The following CLPB variants were observed in gnomAD, a reference collection of about 807,000 sequenced individuals.
The protein encoded by CLPB is ClpB family mitochondrial disaggregase, also known as mitochondrial disaggregase.
A neutral mutation model predicts 78.4 loss-of-function variants in CLPB; 40 were observed. That is an observed-to-expected ratio of 0.51 (90% CI 0.40 to 0.66). CLPB has a LOEUF of 0.66. Ranked by LOEUF, CLPB falls within the 30% of genes least tolerant of loss-of-function variation. The probability of loss-of-function intolerance (pLI) is 0.00; values close to 1 mark genes in which losing one functional copy is unlikely to be tolerated. For missense variants in CLPB, 780 were observed against 886.9 expected (o/e 0.88, Z 1.53); for synonymous variants, 333 against 348.0 (o/e 0.96, Z 0.48).
At chr11:72,354,265 ATG>A (rs549117840) in intron 5 of CLPB, 131 of 375,238 alleles carry the variant, frequency 3.5e-4, no homozygotes, top group Middle Eastern at 6.8e-4. Flanking sequence ...GCTTCCAAAG[ATG>A]TGTGTGTGTG....
intron 4 of CLPB, among the ~76,000 whole-genome samples, chr11:72,361,765 C>G (rs1950843847): frequency 6.6e-6 from 1 of 152,182 alleles, no homozygotes; most frequent in Non-Finnish European, 1.5e-5. Flanking sequence ...ATTCATTCAA[C>G]ATTTAATGAG....
chr11:72,317,307 G>T, intron 6 of CLPB, 87 bp from the exon 7 acceptor site: 1 of 987,312 alleles, frequency 1.0e-6, no homozygotes, highest in Non-Finnish European at 1.5e-6. Flanking sequence ...GGAAAACACA[G>T]GTCTGGGTAT....
chr11:72,373,888 A>G (rs576625440), intron 4 of CLPB, among the ~76,000 whole-genome samples: 123 of 147,224 alleles, frequency 8.4e-4, no homozygotes, highest in African/African-American at 2.9e-3. Context: ...TGAACCCAGG[A>G]GGCAGAGGTT....
intron 8 of CLPB, among the ~76,000 whole-genome samples, chr11:72,308,094 C>A (rs1416273126): frequency 2.0e-5 from 3 of 152,194 alleles, no homozygotes; most frequent in Admixed American, 6.5e-5. Context: ...TTACTGCAAC[C>A]AATTTTGCTA....
At chr11:72,321,899 A>AAATGGTATGAC (rs1950050087) in intron 6 of CLPB, among the ~76,000 whole-genome samples, 1 of 151,800 alleles carries the variant, frequency 6.6e-6, no homozygotes, top group Admixed American at 6.6e-5. Flanking sequence ...CCATGTCCTG[A>AAATGGTATGAC]AATGGTATGA....
At chr11:72,422,446 T>C (rs1271838501) in intron 2 of CLPB, among the ~76,000 whole-genome samples, 1 of 152,156 alleles carries the variant, frequency 6.6e-6, no homozygotes, top group Non-Finnish European at 1.5e-5. Flanking sequence ...AAAACTCTTG[T>C]ATTCTTTCTG....
At chr11:72,311,104 CTAA>C (rs1157379147) in intron 7 of CLPB, 1 of 152,082 alleles carries the variant, frequency 6.6e-6, no homozygotes, top group African/African-American at 2.4e-5. Flanking sequence ...CTGGATATTT[CTAA>C]TAATATCTGA....
rs979851122 is a variant in CLPB at position 72,301,973 on chromosome 11, A to G, written c.1168-9T>C. The G allele has an allele frequency of 5.0e-6, 8 of 1,613,388 alleles. No individual in the cohort carries two copies. The African/African-American group carries it at 6.7e-5, about 13-fold the overall frequency. The stretch of plus-strand genomic sequence containing the variant: ...CCAATAAACTTGGCCACCTGGTAGA[A>G]GGAAGGAAACATGCTAGGAAGGCCT... On this transcript the variant is annotated splice_polypyrimidine_tract_variant and intron_variant, in intron 10 of 15. Coordinates refer to ENST00000538039, the MANE Select transcript of CLPB (RefSeq NM_001258392.3).
rs1184503215 is a variant in CLPB at position 72,292,018 on chromosome 11, G to C, written c.*1349C>G. On this transcript the variant is annotated 3_prime_UTR_variant, in exon 16 of 16. Transcript: ENST00000538039. The stretch of plus-strand genomic sequence containing the variant: ...AGATCGCGCCACTGCACTCCAGCTT[G>C]GGGGACAGAGTGAGACTCTGTCTCA... 1.4e-5 allele frequency: 2 copies of C among 147,404 alleles called. No homozygotes were observed. Among genetic ancestry groups the C allele is most frequent in the Non-Finnish European group, 3.0e-5 (2 of 67,416 alleles). 9.1% of individuals were successfully genotyped at this position (147,404 alleles called of 1,614,324 possible).
Position 72,380,275 on chromosome 11 carries a change from A to G in CLPB, c.646+6T>C, listed in dbSNP as rs374982363. The G allele has an allele frequency of 5.5e-5, 89 of 1,608,316 alleles. No individual in the cohort carries two copies. The African/African-American group carries it at 1.1e-3, about 19-fold the overall frequency. ...CTCTCAGAGAAGCAGGACAGCCCAC[A>G]CTTACCTTCCAAAGAATGGATTCCC... On this transcript the variant is annotated splice_donor_region_variant and intron_variant, in intron 4 of 15. Coordinates refer to ENST00000538039, the MANE Select transcript of CLPB (RefSeq NM_001258392.3).
chr11:72,415,446 C>A lies in CLPB; in HGVS notation c.456-12394G>T, dbSNP rs117453804. On this transcript the variant is annotated intron_variant, in intron 2 of 15. Coordinates refer to ENST00000538039, the MANE Select transcript of CLPB (RefSeq NM_001258392.3). ...TTTACTTGAGGGGTGAAGATACTTT[C>A]TGTTTAGTCCTGAAGCTTCCTAGAA... 1.1e-4 allele frequency among the ~76,000 whole-genome samples: 16 copies of A among 152,324 alleles called. No homozygotes were observed. The East Asian group carries it at 3.1e-3, about 29-fold the overall frequency.
At chr11:72,335,432 C>A (rs1950302675) in intron 5 of CLPB, among the ~76,000 whole-genome samples, 1 of 152,208 alleles carries the variant, frequency 6.6e-6, no homozygotes, top group Non-Finnish European at 1.5e-5. Flanking sequence ...CAGTACCCAG[C>A]CCCAAGCTCA....
chr11:72,317,168 A>AG lies in CLPB; in HGVS notation c.925dup (p.Leu309ProfsTer33), dbSNP rs1286195101. ...GATGTGCTCCTTTAGTCGCTGCTCCAGGGGGAAGCGGCGCCGCTCCTCAGC... is the reference window on the plus strand; with the variant it reads ...GATGTGCTCCTTTAGTCGCTGCTCCAGGGGGGAAGCGGCGCCGCTCCTCAGC... On this transcript the variant is annotated frameshift_variant, in exon 7 of 16. Coordinates refer to ENST00000538039, the MANE Select transcript of CLPB (RefSeq NM_001258392.3). LOFTEE classifies it high-confidence loss of function. 1 of 1,612,384 alleles carries AG rather than the reference A, an allele frequency of 6.2e-7. No homozygotes were observed.
At chr11:72,367,816 A>G (rs549745344) in intron 4 of CLPB, among the ~76,000 whole-genome samples, 1 of 152,252 alleles carries the variant, frequency 6.6e-6, no homozygotes, top group South Asian at 2.1e-4. Flanking sequence ...TGAGGTAGGA[A>G]TTCTAGTGAG....
chr11:72,382,592 A>T (rs1213673750), intron 3 of CLPB, among the ~76,000 whole-genome samples: 1 of 152,150 alleles, frequency 6.6e-6, no homozygotes, highest in Non-Finnish European at 1.5e-5. Context: ...CCCAGGCACC[A>T]GGCCCACTCA....
At chr11:72,424,666 C>T (rs373577714) in intron 2 of CLPB, among the ~76,000 whole-genome samples, 2 of 152,040 alleles carry the variant, frequency 1.3e-5, no homozygotes, top group East Asian at 1.9e-4. Context: ...GAGGCCGAGG[C>T]GGGCGGATCA....
intron 8 of CLPB, among the ~76,000 whole-genome samples, chr11:72,307,843 T>C (rs1422734806): frequency 2.0e-5 from 3 of 152,120 alleles, no homozygotes; most frequent in Admixed American, 6.5e-5. Context: ...TGTAGCATCA[T>C]GGTCAGGTGG....
intron 4 of CLPB, among the ~76,000 whole-genome samples, chr11:72,372,458 G>A (rs2056315004): frequency 6.6e-6 from 1 of 152,164 alleles, no homozygotes; most frequent in African/African-American, 2.4e-5. Flanking sequence ...TAATACCATG[G>A]CTTAAACACA....
At chr11:72,337,139 G>A in intron 5 of CLPB, 2 of 398,700 alleles carry the variant, frequency 5.0e-6, no homozygotes, top group Non-Finnish European at 8.8e-6. Context: ...GAAGGTGAGA[G>A]AGAAGAGACT....
Sources: allele counts gnomAD v4.1 joint callset (sites outside exome capture counted in the v4.1 genomes callset), GRCh38; gene constraint gnomAD v4.1.1; transcripts MANE v1.5; gene names NCBI Gene and HGNC (gene_info 2026-07-23, HGNC 2026-07-21).